Variants in ZNF234 observed in about 807,000 individuals in gnomAD.
The protein encoded by ZNF234 is C2-H2 type zinc finger protein.
ZNF234 carries 4 observed loss-of-function variants against 10.3 expected under a neutral mutation model. The observed-to-expected ratio is 0.39, with a 90% CI of 0.19 to 0.89. ZNF234 has a LOEUF of 0.89. Among genes scored for constraint, ZNF234 ranks in the 40% least tolerant of loss-of-function variants. The pLI, the probability that ZNF234 is intolerant of heterozygous loss-of-function variation, is 0.38. For missense variants in ZNF234, 711 were observed against 836.1 expected, an observed-to-expected ratio of 0.85 and a Z score of 1.85; for synonymous variants, 258 against 280.1, an observed-to-expected ratio of 0.92 and a Z score of 0.79.
chr19:44,144,308 A>G (rs751620794), intron 2 of ZNF234, among the ~76,000 whole-genome samples: 1 of 152,180 alleles, frequency 6.6e-6, no homozygotes, highest in Non-Finnish European at 1.5e-5. Flanking sequence ...TAGTGTTTCC[A>G]AGGTTCATGC....
At chr19:44,144,011 T>C (rs1423248317) in intron 2 of ZNF234, among the ~76,000 whole-genome samples, 1 of 152,194 alleles carries the variant, frequency 6.6e-6, no homozygotes, top group Non-Finnish European at 1.5e-5. Flanking sequence ...TTTCCAACTT[T>C]ATTGAGGTGT....
chr19:44,143,335 C>T (rs1968511882), intron 2 of ZNF234, among the ~76,000 whole-genome samples: 1 of 152,180 alleles, frequency 6.6e-6, no homozygotes, highest in Admixed American at 6.5e-5. Flanking sequence ...TCTGGCCGGG[C>T]GCGGTGGCTC....
At chr19:44,148,685 C>T (rs1207394152) in intron 3 of ZNF234, 86 bp from the exon 4 acceptor site, 1 of 1,580,326 alleles carries the variant, frequency 6.3e-7, no homozygotes, top group East Asian at 2.3e-5. Flanking sequence ...GGACCAGCTC[C>T]CCCTACATAC....
rs1599695174 is a variant in ZNF234, at chr19:44,148,615, G to A, written c.16-156G>A. 11 of 1,002,522 alleles carry A rather than the reference G, an allele frequency of 1.1e-5. No individual in the cohort carries two copies. The East Asian group carries it at 2.8e-4, about 25-fold the overall frequency. The allele number at this position is 1,002,522 out of a possible 1,614,324, so 62.1% of individuals were successfully genotyped here. On this transcript the variant is annotated intron_variant, in intron 3 of 5. Coordinates refer to ENST00000426739, the MANE Select transcript of ZNF234 (RefSeq NM_006630.3). The stretch of plus-strand genomic sequence containing the variant: ...TGACACTAAGGAAAATCAAAGTGTG[G>A]CATTGGTAAGATGGAAGGAGAAGGG...
rs1568552646 is a variant in ZNF234 at position 44,154,636 on chromosome 19, T to TC, written c.236-1616_236-1615insC. On this transcript the variant is annotated intron_variant, in intron 5 of 5. Transcript: ENST00000426739. ...GATTTTTTTCTCTTTTTCTTTTTTT[T>TC]TTTTTTTTTTTTTTGAGACAAAGTC... Among the ~76,000 whole-genome samples, 255 of 143,670 alleles carry TC rather than the reference T, an allele frequency of 1.8e-3. 1 individual carries two copies. The highest frequency in any genetic ancestry group is 4.3e-3 in the African/African-American group (159 of 37,236). 94.3% of individuals were successfully genotyped at this position (143,670 alleles called of 152,430 possible).
At chr19:44,145,449 T>C (rs1968566395) in intron 3 of ZNF234, among the ~76,000 whole-genome samples, 1 of 152,226 alleles carries the variant, frequency 6.6e-6, no homozygotes, top group Non-Finnish European at 1.5e-5. Flanking sequence ...CTGAAAACTT[T>C]CTGCTGATTT....
At chr19:44,148,639 G>T in intron 3 of ZNF234, 132 bp from the exon 4 acceptor site, 2 of 1,265,726 alleles carry the variant, frequency 1.6e-6, no homozygotes, top group Non-Finnish European at 2.3e-6. Flanking sequence ...GAAGGAGAAG[G>T]GCTGAGAAAT....
chr19:44,156,496 C>A lies in ZNF234; in HGVS notation c.480C>A (p.Val160=). 6.2e-7 allele frequency: 1 copy of A among 1,614,200 alleles called. No homozygotes were observed. ...AGTACAAAAAATCCTTCACTGATGT[C>A]TTCAACTTTGATCTTCATCAACAGT... ...CDEYKKSFTD[V]FNFDLHQQLH... Residue 160 remains valine (V), a synonymous_variant, in exon 6 of 6, where the codon GTC becomes GTA. Transcript: ENST00000426739.
At position 44,157,069 on chromosome 19, in the gene ZNF234, G is replaced by A; in HGVS notation, c.1053G>A (p.Lys351=). ...CTTACAAGTGTGAAGAATGTGGTAA[G>A]TGCTTTATTCAGCCTTCACAATTTC... The part of the protein sequence containing the change: ...EKPYKCEECG[K]CFIQPSQFQA... Residue 351 remains lysine (K), a synonymous_variant, in exon 6 of 6, where the codon AAG becomes AAA. Transcript: ENST00000426739. 2 of 1,614,168 alleles carry A rather than the reference G, an allele frequency of 1.2e-6. No individual in the cohort carries two copies. The highest frequency in any genetic ancestry group is 1.3e-5 in the African/African-American group (1 of 75,048).
rs993600762 is a variant in ZNF234, at chr19:44,159,624, A to G, written c.*1505A>G. The G allele has an allele frequency of 2.1e-6, 1 of 475,004 alleles. No individual in the cohort carries two copies. The highest frequency in any genetic ancestry group is 1.5e-5 in the South Asian group (1 of 67,014). 29.4% of individuals were successfully genotyped at this position (475,004 alleles called of 1,614,324 possible). ...ACTCTAACACTTTTAAAGTGTCAGA[A>G]GTAGTTGCCAATGCCAAATTTTTAT... On this transcript the variant is annotated 3_prime_UTR_variant, in exon 6 of 6. Transcript: ENST00000426739.
Position 44,148,965 on chromosome 19 carries a change from A to C in ZNF234, c.142+68A>C, listed in dbSNP as rs537656924. On this transcript the variant is annotated intron_variant, in intron 4 of 5. Transcript: ENST00000426739. ...AGTGATTTTGTGTCTTCAGGGGTTCAACACTTTGGAGGTCTTGAATTAGTC... is the reference window on the plus strand; with the variant it reads ...AGTGATTTTGTGTCTTCAGGGGTTCCACACTTTGGAGGTCTTGAATTAGTC... 1.2e-4 allele frequency: 188 copies of C among 1,534,670 alleles called. No individual in the cohort carries two copies. The African/African-American group carries it at 1.8e-3, about 15-fold the overall frequency.
Position 44,159,695 on chromosome 19 carries a change from C to T in ZNF234, c.*1576C>T, listed in dbSNP as rs1968991316. The T allele has an allele frequency of 2.3e-6, 1 of 428,242 alleles. No homozygotes were observed. The highest frequency in any genetic ancestry group is 1.6e-5 in the South Asian group (1 of 62,918). 26.5% of individuals were successfully genotyped at this position (428,242 alleles called of 1,614,324 possible). Reference sequence around the variant, plus strand: ...GATTTCTGACTTTCCACATTTCCATCCAGACTTTGACATGATTGCCGTCTA... The same window carrying T: ...GATTTCTGACTTTCCACATTTCCATTCAGACTTTGACATGATTGCCGTCTA... On this transcript the variant is annotated 3_prime_UTR_variant, in exon 6 of 6. Transcript: ENST00000426739.
chr19:44,146,486 A>G (rs1349440938), intron 3 of ZNF234, among the ~76,000 whole-genome samples: 4 of 152,172 alleles, frequency 2.6e-5, no homozygotes, highest in Non-Finnish European at 5.9e-5. Flanking sequence ...CTGCACCCTC[A>G]TTACAACACA....
In ZNF234 at chr19:44,158,555, TTTGAA is replaced by T; in HGVS notation, c.*437_*441del. On this transcript the variant is annotated 3_prime_UTR_variant, in exon 6 of 6. Coordinates refer to ENST00000426739, the MANE Select transcript of ZNF234 (RefSeq NM_006630.3). ...CACCGCCCCTGGCCTCCATCTAGAC[TTTGAA>T]ATGATTGCCTTCTAATTACAGTAGC... 1 of 208,474 alleles carries T rather than the reference TTTGAA, an allele frequency of 4.8e-6. No homozygotes were observed. The highest frequency in any genetic ancestry group is 7.1e-5 in the South Asian group (1 of 14,100). 12.9% of individuals were successfully genotyped at this position (208,474 alleles called of 1,614,324 possible).
chr19:44,147,262 G>T (rs1367871721), intron 3 of ZNF234, among the ~76,000 whole-genome samples: 1 of 151,310 alleles, frequency 6.6e-6, no homozygotes, highest in Non-Finnish European at 1.5e-5. Context: ...TTTGGGACGG[G>T]GTCTCACTCT....
Position 44,144,553 on chromosome 19 carries a change from A to G in ZNF234, c.-76-4A>G. The G allele has an allele frequency of 7.4e-7, 1 of 1,342,694 alleles. No homozygotes were observed. The highest frequency in any genetic ancestry group is 9.9e-7 in the Non-Finnish European group (1 of 1,006,010). The allele number at this position is 1,342,694 out of a possible 1,614,324, so 83.2% of individuals were successfully genotyped here. A position where few individuals can be genotyped will look rare whatever the true frequency, so the allele number is the denominator to read the frequency against. ...TTTCATGTCTCTTTTTGTGTCTTCC[A>G]TAGTGTTCCAGGCACGATTCTGCCT... On this transcript the variant is annotated splice_region_variant and splice_polypyrimidine_tract_variant and intron_variant, in intron 2 of 5. Transcript: ENST00000426739.
intron 3 of ZNF234, among the ~76,000 whole-genome samples, chr19:44,147,586 C>T (rs1457930756): frequency 6.6e-6 from 1 of 152,188 alleles, no homozygotes. Context: ...AGTCGGGTGA[C>T]TCATGCCTGT....
At chr19:44,143,155 A>G (rs1968505385) in intron 2 of ZNF234, among the ~76,000 whole-genome samples, 1 of 143,806 alleles carries the variant, frequency 7.0e-6, no homozygotes, top group Non-Finnish European at 1.5e-5. Context: ...AGTTGCAAAA[A>G]TAGTATAAGA....
intron 5 of ZNF234, 46 bp from the exon 6 acceptor site, chr19:44,156,206 A>G (rs774418034): frequency 6.6e-7 from 1 of 1,507,726 alleles, no homozygotes; most frequent in Non-Finnish European, 8.9e-7. Context: ...ACATCTTGAA[A>G]ACTTTTAACA....
Sources: gnomAD v4.1 joint callset for allele counts (sites outside exome capture counted in the v4.1 genomes callset) on GRCh38, gnomAD v4.1.1 for gene constraint, MANE v1.5 for transcripts, NCBI Gene and HGNC (gene_info 2026-07-23, HGNC 2026-07-21) for gene names.